ARHGAP42: variants seen among roughly 807,000 people sequenced by gnomAD.
ARHGAP42 encodes rho GTPase-activating protein 42.
Under a neutral mutation model 125.0 loss-of-function variants are expected in ARHGAP42, and 63 were observed. That is an observed-to-expected ratio of 0.50 (90% CI 0.41 to 0.62). The LOEUF is 0.62. Among genes scored for constraint, ARHGAP42 ranks in the 20% least tolerant of loss-of-function variants. ARHGAP42 has a pLI of 0.00. For missense variants in ARHGAP42, 766 were observed against 1,024.2 expected (o/e 0.75, Z 3.44); for synonymous variants, 339 against 351.0 (o/e 0.97, Z 0.38).
At chr11:100,831,083 T>C (rs1173703439) in intron 3 of ARHGAP42, among the ~76,000 whole-genome samples, 1 of 152,198 alleles carries the variant, frequency 6.6e-6, no homozygotes, top group African/African-American at 2.4e-5. Flanking sequence ...GATTCATATC[T>C]GCTGTGCTGG....
At chr11:100,933,711 A>G (rs1234139269) in intron 7 of ARHGAP42, among the ~76,000 whole-genome samples, 1 of 152,236 alleles carries the variant, frequency 6.6e-6, no homozygotes, top group Non-Finnish European at 1.5e-5. Context: ...CATGTTAACT[A>G]TACAATTTTT....
intron 22 of ARHGAP42, among the ~76,000 whole-genome samples, chr11:100,983,966 C>A (rs1268434330): frequency 3.3e-5 from 5 of 152,046 alleles, no homozygotes; most frequent in Admixed American, 6.6e-5. Flanking sequence ...AAATATAAAA[C>A]ATTAATTGGC....
chr11:100,933,976 G>A (rs186207209), intron 7 of ARHGAP42, among the ~76,000 whole-genome samples: 4,783 of 152,074 alleles, frequency 0.031, 89 homozygotes, highest in Admixed American at 0.047. Flanking sequence ...TAGTAGAGAC[G>A]GGGTTTCACC....
At position 100,931,851 on chromosome 11, in the gene ARHGAP42, A is replaced by C. The variant is rs925703391; in HGVS notation, c.598-1305A>C. ...TGCATTCAGGTAGACTATATATTTTATTGGATAATTTGACAAATATAGCAT... is the reference window on the plus strand; with the variant it reads ...TGCATTCAGGTAGACTATATATTTTCTTGGATAATTTGACAAATATAGCAT... On this transcript the variant is annotated intron_variant, in intron 6 of 23. Transcript: ENST00000298815. 2.0e-5 allele frequency among the ~76,000 whole-genome samples: 3 copies of C among 152,292 alleles called. No individual in the cohort carries two copies. The South Asian group carries it at 6.2e-4, about 32-fold the overall frequency.
At chr11:100,700,764 A>C (rs1040918908) in intron 1 of ARHGAP42, among the ~76,000 whole-genome samples, 2 of 152,204 alleles carry the variant, frequency 1.3e-5, no homozygotes, top group Admixed American at 6.5e-5. Context: ...TCCTCCACTG[A>C]AGTCTTGAAC....
At chr11:100,809,115 C>T (rs1259893089) in intron 3 of ARHGAP42, among the ~76,000 whole-genome samples, 2 of 152,108 alleles carry the variant, frequency 1.3e-5, no homozygotes, top group Non-Finnish European at 2.9e-5. Context: ...TTATCTTTGC[C>T]TCTCATTTGC....
intron 3 of ARHGAP42, among the ~76,000 whole-genome samples, chr11:100,802,488 G>C (rs1863881006): frequency 6.7e-6 from 1 of 149,494 alleles, no homozygotes; most frequent in African/African-American, 2.5e-5. Context: ...GCAGTGGTGC[G>C]ATCTTGACTC....
intron 3 of ARHGAP42, among the ~76,000 whole-genome samples, chr11:100,850,980 C>G (rs1565241603): frequency 7.1e-6 from 1 of 141,724 alleles, no homozygotes; most frequent in Non-Finnish European, 1.5e-5. Flanking sequence ...CACCCAGGTT[C>G]AAATGATTCT....
chr11:100,868,695 T>C (rs1865632773), intron 4 of ARHGAP42, among the ~76,000 whole-genome samples: 1 of 152,186 alleles, frequency 6.6e-6, no homozygotes, highest in Non-Finnish European at 1.5e-5. Context: ...TAGTGTCTTA[T>C]AATATTAGCA....
intron 1 of ARHGAP42, among the ~76,000 whole-genome samples, chr11:100,724,739 A>G (rs748617348): frequency 7.3e-5 from 11 of 151,132 alleles, no homozygotes; most frequent in Non-Finnish European, 1.6e-4. Context: ...AATTTTATCA[A>G]TCTTTTCAAG....
At chr11:100,926,070 A>G (rs1364938346) in intron 6 of ARHGAP42, among the ~76,000 whole-genome samples, 1 of 152,210 alleles carries the variant, frequency 6.6e-6, no homozygotes, top group African/African-American at 2.4e-5. Context: ...TTCATGGTAC[A>G]TAAAGGTTTG....
chr11:100,794,690 G>A (rs1863666187), intron 2 of ARHGAP42, among the ~76,000 whole-genome samples: 2 of 152,166 alleles, frequency 1.3e-5, no homozygotes, highest in South Asian at 2.1e-4. Context: ...CTAAGTACAC[G>A]AAATAGTAGA....
chr11:100,888,341 C>A (rs1866143481), intron 4 of ARHGAP42, among the ~76,000 whole-genome samples: 3 of 151,924 alleles, frequency 2.0e-5, no homozygotes, highest in Non-Finnish European at 4.4e-5. Context: ...TTGTAAAGTG[C>A]CAAAATGAGA....
At chr11:100,978,166 G>A (rs1591336518) in intron 21 of ARHGAP42, among the ~76,000 whole-genome samples, 1 of 152,112 alleles carries the variant, frequency 6.6e-6, no homozygotes, top group South Asian at 2.1e-4. Context: ...GGAGGAAAGA[G>A]AAGAGTTTCT....
At chr11:100,960,180 A>G (rs1857917138) in intron 13 of ARHGAP42, among the ~76,000 whole-genome samples, 1 of 151,572 alleles carries the variant, frequency 6.6e-6, no homozygotes, top group Admixed American at 6.6e-5. Flanking sequence ...CAGCCTCACT[A>G]TACTTCTTAT....
chr11:100,770,466 A>G (rs1014441834), intron 2 of ARHGAP42, 28 bp downstream of exon 2: 8 of 1,408,964 alleles, frequency 5.7e-6, no homozygotes, highest in African/African-American at 1.4e-5. Context: ...AGAAAGTTCT[A>G]TTACTAATAT....
chr11:100,966,883 G>T (rs533896709), intron 17 of ARHGAP42, among the ~76,000 whole-genome samples: 55 of 152,042 alleles, frequency 3.6e-4, no homozygotes, highest in African/African-American at 1.3e-3. Context: ...TATTTAATAG[G>T]GATATTTCCC....
At chr11:100,895,712 C>T (rs1283395469) in intron 4 of ARHGAP42, among the ~76,000 whole-genome samples, 1 of 152,014 alleles carries the variant, frequency 6.6e-6, no homozygotes, top group Non-Finnish European at 1.5e-5. Context: ...AACTTAGTCA[C>T]ATGCACACAT....
At chr11:100,746,337 T>C (rs1862304416) in intron 1 of ARHGAP42, among the ~76,000 whole-genome samples, 1 of 152,114 alleles carries the variant, frequency 6.6e-6, no homozygotes, top group African/African-American at 2.4e-5. Context: ...CTTTGGGATA[T>C]AGCAGAGAGA....
Sources: allele counts gnomAD v4.1 joint callset (sites outside exome capture counted in the v4.1 genomes callset), GRCh38; gene constraint gnomAD v4.1.1; transcripts MANE v1.5; gene names NCBI Gene and HGNC (gene_info 2026-07-23, HGNC 2026-07-21).